The following ENTPD6 variants were observed in gnomAD, a reference collection of about 807,000 sequenced individuals.
The protein encoded by ENTPD6 is CD39 antigen-like 2.
In ENTPD6, 46 loss-of-function variants were observed where a neutral mutation model predicts 61.5. The ratio of observed to expected loss-of-function variants is 0.75; its 90% CI spans 0.59 to 0.96. The LOEUF is 0.96. ENTPD6 is among the 40% of genes least tolerant of loss of function. The probability of loss-of-function intolerance (pLI) is 0.00; values close to 1 mark genes in which losing one functional copy is unlikely to be tolerated. For synonymous variants in ENTPD6, 252 were observed against 255.5 expected (o/e 0.99, Z 0.13); for missense variants, 612 against 629.0 (o/e 0.97, Z 0.29).
chr20:25,221,588 T>G (rs534236445), intron 11 of ENTPD6: 94 of 515,496 alleles, frequency 1.8e-4, no homozygotes, highest in African/African-American at 1.6e-3. Flanking sequence ...AGGGCTGATT[T>G]CCTAACAGGC....
At chr20:25,206,244 G>T (rs533390327) in intron 1 of ENTPD6, among the ~76,000 whole-genome samples, 1 of 152,328 alleles carries the variant, frequency 6.6e-6, no homozygotes, top group East Asian at 1.9e-4. Context: ...CCCTAGGAGT[G>T]GCCACTCACC....
At chr20:25,202,214 A>G (rs2091098871) in intron 1 of ENTPD6, among the ~76,000 whole-genome samples, 1 of 152,182 alleles carries the variant, frequency 6.6e-6, no homozygotes, top group African/African-American at 2.4e-5. Flanking sequence ...TGAAAGAGGA[A>G]AGGTTGATCT....
At chr20:25,197,473 G>C (rs561667703) in intron 1 of ENTPD6, among the ~76,000 whole-genome samples, 15 of 152,326 alleles carry the variant, frequency 9.8e-5, no homozygotes, top group African/African-American at 3.1e-4. Flanking sequence ...TTAAAGAACA[G>C]ACTGAGATGG....
intron 13 of ENTPD6, 112 bp from the exon 14 acceptor site, chr20:25,225,093 C>T (rs2092758526): frequency 3.3e-5 from 48 of 1,471,850 alleles, no homozygotes; most frequent in East Asian, 7.4e-5. Flanking sequence ...TCTGTGAATC[C>T]GGAGTGCGGA....
intron 1 of ENTPD6, 111 bp downstream of exon 1, chr20:25,195,978 C>T (rs914456704): frequency 7.4e-6 from 7 of 942,038 alleles, no homozygotes; most frequent in Non-Finnish European, 9.7e-6. Context: ...GGGTCACTCG[C>T]ACCCCGGGTC....
At chr20:25,218,502 C>T in intron 9 of ENTPD6, 48 bp from the exon 10 acceptor site, 9 of 1,558,312 alleles carry the variant, frequency 5.8e-6, no homozygotes, top group Non-Finnish European at 7.8e-6. Flanking sequence ...CCTGCCATGA[C>T]CTGTACCTGC....
chr20:25,219,682 G>A (rs1476647147), intron 10 of ENTPD6, among the ~76,000 whole-genome samples: 2 of 152,170 alleles, frequency 1.3e-5, no homozygotes, highest in African/African-American at 4.8e-5. Flanking sequence ...ATGTGTGTAT[G>A]AGGCGCTCAC....
intron 1 of ENTPD6, among the ~76,000 whole-genome samples, chr20:25,205,729 C>T (rs948145996): frequency 6.6e-6 from 1 of 152,210 alleles, no homozygotes; most frequent in African/African-American, 2.4e-5. Flanking sequence ...GTGTGGGTGG[C>T]CAGGCCACTG....
intron 1 of ENTPD6, among the ~76,000 whole-genome samples, chr20:25,205,885 C>CCTGTCCT (rs2091455685): frequency 6.6e-6 from 1 of 152,202 alleles, no homozygotes. Flanking sequence ...CCCCGCGGGC[C>CCTGTCCT]CTGTCCTTCC....
intron 3 of ENTPD6, among the ~76,000 whole-genome samples, chr20:25,207,703 G>A (rs980821833): frequency 1.3e-5 from 2 of 152,194 alleles, no homozygotes; most frequent in Non-Finnish European, 2.9e-5. Context: ...GGTTGTGTTT[G>A]GGGCTTTGTG....
At position 25,207,249 on chromosome 20, in the gene ENTPD6, G is replaced by C; in HGVS notation, c.228G>C (p.Arg76Ser). 6.2e-7 allele frequency: 1 copy of C among 1,614,016 alleles called. No individual in the cohort carries two copies. Among genetic ancestry groups the C allele is most frequent in the South Asian group, 1.1e-5 (1 of 91,074 alleles). Residue 76 changes from arginine (R) to serine (S), a missense_variant, in exon 3 of 15, where the codon AGG becomes AGC. Physicochemically the swap from Arg to Ser is moderately radical, Grantham distance 110. Coordinates refer to ENST00000376652, the MANE Select transcript of ENTPD6 (RefSeq NM_001247.5). ...TATQAFFSIT[R>S]AAPGARWGQQ... ...CCCAGGCCTTCTTCAGCATCACCAG[G>C]GCAGCCCCGGGGGCCCGGTGGGGTC...
intron 1 of ENTPD6, among the ~76,000 whole-genome samples, chr20:25,196,927 C>T (rs1446390148): frequency 6.6e-6 from 1 of 152,106 alleles, no homozygotes; most frequent in African/African-American, 2.4e-5. Context: ...AGGTGGGCAG[C>T]CCTTTGTGTC....
At chr20:25,216,903 C>A (rs973003754) in intron 8 of ENTPD6, among the ~76,000 whole-genome samples, 167 bp downstream of exon 8, 34 of 152,322 alleles carry the variant, frequency 2.2e-4, no homozygotes, top group Middle Eastern at 6.8e-3. Context: ...GACTCACTCA[C>A]AGATGATGCT....
At chr20:25,220,501 A>G (rs979861461) in intron 10 of ENTPD6, among the ~76,000 whole-genome samples, 24 of 151,866 alleles carry the variant, frequency 1.6e-4, no homozygotes, top group Non-Finnish European at 2.2e-4. Flanking sequence ...GCAGCTGTCT[A>G]AATCCCCCGC....
intron 12 of ENTPD6, 141 bp from the exon 13 acceptor site, chr20:25,223,960 G>A (rs1041342312): frequency 1.9e-5 from 13 of 685,018 alleles, no homozygotes; most frequent in Middle Eastern, 2.7e-4. Flanking sequence ...CGTGAGTGCC[G>A]CCTACAGCTG....
chr20:25,217,730 T>C (rs1323338830), intron 9 of ENTPD6, 149 bp downstream of exon 9: 48 of 648,934 alleles, frequency 7.4e-5, no homozygotes, highest in African/African-American at 1.2e-4. Flanking sequence ...TCCTCCTCCT[T>C]CTCCCGCCTC....
rs750550445 is a variant in ENTPD6 at position 25,224,140 on chromosome 20, A to C, written c.1226A>C (p.Glu409Ala). 3 of 1,612,234 alleles carry C rather than the reference A, an allele frequency of 1.9e-6. No homozygotes were observed. Among genetic ancestry groups the C allele is most frequent in the Non-Finnish European group, 2.5e-6 (3 of 1,179,240 alleles). The change falls in exon 13 of 15, where the codon GAG becomes GCG. Residue 409 changes from glutamate to alanine, a missense_variant. Coordinates refer to ENST00000376652, the MANE Select transcript of ENTPD6 (RefSeq NM_001247.5). ...GGCAGCCTGGTGGTGGGGGACTTCG[A>C]GATCGCAGCCAAGTACGGTGAGTGA... ...KGGSLVVGDFEIAAKYVCRTL... is the reference protein window; with the variant it reads ...KGGSLVVGDFAIAAKYVCRTL...
intron 13 of ENTPD6, 142 bp from the exon 14 acceptor site, chr20:25,225,063 T>G: frequency 7.4e-7 from 1 of 1,352,764 alleles, no homozygotes; most frequent in Non-Finnish European, 9.9e-7. Context: ...GGGTGCCTTC[T>G]GCGCTCAGCT....
intron 10 of ENTPD6, among the ~76,000 whole-genome samples, 199 bp from the exon 11 acceptor site, chr20:25,221,033 G>T (rs2092612731): frequency 6.6e-6 from 1 of 152,224 alleles, no homozygotes; most frequent in African/African-American, 2.4e-5. Flanking sequence ...GCTGGGCATG[G>T]TCCTGGTAGC....
Sources: allele counts gnomAD v4.1 joint callset (sites outside exome capture counted in the v4.1 genomes callset), GRCh38; gene constraint gnomAD v4.1.1; transcripts MANE v1.5; gene names NCBI Gene and HGNC (gene_info 2026-07-23, HGNC 2026-07-21).